STRC: variants seen among roughly 807,000 people sequenced by gnomAD.
STRC encodes the protein stereocilin.
Under a neutral mutation model 103.5 loss-of-function variants are expected in STRC, and 43 were observed. The ratio of observed to expected loss-of-function variants is 0.42; its 90% CI spans 0.33 to 0.54. STRC has a LOEUF of 0.54. Ranked by LOEUF, STRC falls within the 20% of genes least tolerant of loss-of-function variation. STRC has a pLI of 0.14. For missense variants in STRC, 499 were observed against 1,088.5 expected (o/e 0.46, Z 7.62); for synonymous variants, 186 against 442.3 (o/e 0.42, Z 7.27).
chr15:43,600,906 C>G lies in STRC; in HGVS notation c.4810G>C (p.Glu1604Gln), dbSNP rs193034976. Reference protein sequence around the residue: ...LGYTLCGLRPEELQHISSWEF... With the variant: ...LGYTLCGLRPQELQHISSWEF... The stretch of plus-strand genomic sequence containing the variant: ...CAACTGCTGATGTGCTGGAGCTCCT[C>G]TGGCCGCAGTCCACAGAGAGTATAA... Residue 1604 changes from glutamate (E) to glutamine (Q), a missense_variant, in exon 25 of 29, where the codon GAG (glutamate) becomes CAG (glutamine). Physicochemically the swap from Glu to Gln is conservative, Grantham distance 29. Transcript: ENST00000450892. 254 of 1,612,532 alleles carry G rather than the reference C, an allele frequency of 1.6e-4. 5 individuals are homozygous for G. In the Middle Eastern group the frequency reaches 4.4e-3, roughly 28 times the overall value.
Position 43,604,102 on chromosome 15 carries a change from G to A in STRC, c.4269C>T (p.Ser1423=). ...GCTGTCCAACTCTGCTCTGCTCCCA[G>A]CTCTGCTGCTTTTCTAGAAGCCGCT... The part of the protein sequence containing the change: ...TLERLLEKQQ[S]WEQSRVGQLC... The change falls in exon 22 of 29, where the codon AGC becomes AGT. Residue 1423 remains serine (S), a synonymous_variant. Transcript: ENST00000450892. 2 of 1,612,800 alleles carry A rather than the reference G, an allele frequency of 1.2e-6. No individual in the cohort carries two copies. Among genetic ancestry groups the A allele is most frequent in the South Asian group, 1.1e-5 (1 of 90,912 alleles).
At chr15:43,602,878 C>T (rs773054789) in intron 23 of STRC, among the ~76,000 whole-genome samples, 4 of 151,712 alleles carry the variant, frequency 2.6e-5, no homozygotes, top group Non-Finnish European at 4.4e-5. Context: ...ATCTCCTGAC[C>T]TCGTGATCTG....
chr15:43,603,974 A>G (rs1349037715), intron 22 of STRC, 22 bp downstream of exon 22: 7 of 1,612,632 alleles, frequency 4.3e-6, no homozygotes, highest in Non-Finnish European at 5.9e-6. Context: ...TGCTGGACAT[A>G]TAAGTATTTG....
At chr15:43,603,860 C>T in intron 22 of STRC, 136 bp downstream of exon 22, 1 of 1,486,126 alleles carries the variant, frequency 6.7e-7, no homozygotes. Flanking sequence ...CTACAAGAGG[C>T]TTGAAGATCA....
rs935297184 is a variant in STRC at position 43,608,736 on chromosome 15, A to AC, written c.3558-534_3558-533insG. The stretch of plus-strand genomic sequence containing the variant: ...GCAAGACTGTCTCGAAAAAAAAAAA[A>AC]AAAAAAAGATTCTGAAGCCCATTGT... On this transcript the variant is annotated intron_variant, in intron 16 of 28. Coordinates refer to ENST00000450892, the MANE Select transcript of STRC (RefSeq NM_153700.2). Among the ~76,000 whole-genome samples, 9 of 143,844 alleles carry AC rather than the reference A, an allele frequency of 6.3e-5. 1 individual carries two copies. In the South Asian group the frequency reaches 8.9e-4, roughly 14 times the overall value. 94.4% of individuals were successfully genotyped at this position (143,844 alleles called of 152,430 possible).
At chr15:43,604,289 C>T in intron 21 of STRC, 72 bp downstream of exon 21, 1 of 1,592,286 alleles carries the variant, frequency 6.3e-7, no homozygotes, top group African/African-American at 1.3e-5. Flanking sequence ...CCCTCTTTGG[C>T]CACGGGTCCC....
At chr15:43,600,427 A>G (rs2096788397) in intron 26 of STRC, 107 bp downstream of exon 26, 1 of 1,569,588 alleles carries the variant, frequency 6.4e-7, no homozygotes, top group Admixed American at 1.8e-5. Context: ...CCCTTATTTA[A>G]ACACCCTCAG....
chr15:43,604,419 T>C lies in STRC; in HGVS notation c.4160A>G (p.Glu1387Gly), dbSNP rs915941820. ...KPELWSQDEV[E>G]QAGRLVFTLS... is the part of the protein sequence containing the mutation. Reference sequence around the variant, plus strand: ...AGTGAATACTAGGCGTCCAGCTTGCTCTACTTCATCCTGGCTCCACAACTC... The same window carrying C: ...AGTGAATACTAGGCGTCCAGCTTGCCCTACTTCATCCTGGCTCCACAACTC... Residue 1387 changes from glutamate to glycine, a missense_variant, in exon 21 of 29, where the codon GAG becomes GGG. Transcript: ENST00000450892. 2.5e-6 allele frequency: 4 copies of C among 1,585,486 alleles called. No homozygotes were observed. In the African/African-American group the frequency reaches 5.4e-5, roughly 21 times the overall value.
Position 43,604,065 on chromosome 15 carries a change from G to A in STRC, c.4306C>T (p.Pro1436Ser), listed in dbSNP as rs528109581. 9.3e-6 allele frequency: 15 copies of A among 1,613,190 alleles called. No individual in the cohort carries two copies. The highest frequency in any genetic ancestry group is 1.3e-5 in the African/African-American group (1 of 74,832). ...QSRVGQLCRE[P>S]QLAAKKAALV... is the part of the protein sequence containing the mutation. ...GCTGCTTTCTTGGCAGCAAGCTGTG[G>A]CTCCCTACACAGCTGTCCAACTCTG... The change falls in exon 22 of 29, where the codon CCA (proline) becomes TCA (serine). Residue 1436 changes from proline to serine, a missense_variant. Physicochemically the swap from Pro to Ser is moderately conservative, Grantham distance 74 (BLOSUM62 -1). Transcript: ENST00000450892.
At chr15:43,603,701 G>T in intron 22 of STRC, 1 of 647,092 alleles carries the variant, frequency 1.5e-6, no homozygotes. Context: ...CTCCTTCAAA[G>T]CTTCTAGGGA....
intron 19 of STRC, 79 bp from the exon 20 acceptor site, chr15:43,604,925 C>A: frequency 2.6e-6 from 4 of 1,553,090 alleles, no homozygotes; most frequent in Non-Finnish European, 3.5e-6. Flanking sequence ...ACCAAGCCCC[C>A]TAACCTTCCC....
chr15:43,609,885 A>AT, intron 15 of STRC: 1 of 234,192 alleles, frequency 4.3e-6, no homozygotes, highest in Admixed American at 5.5e-5. Flanking sequence ...TTAGCCAGGC[A>AT]TTGTGGGGAG....
At chr15:43,605,450 C>T (rs774199039) in intron 18 of STRC, 51 bp from the exon 19 acceptor site, 48 of 1,563,894 alleles carry the variant, frequency 3.1e-5, no homozygotes, top group South Asian at 1.3e-4. Flanking sequence ...TGGGCCAAGT[C>T]GAGAAGGGAC....
intron 23 of STRC, chr15:43,602,535 C>A (rs2085678447): frequency 6.6e-6 from 1 of 152,138 alleles, no homozygotes; most frequent in Non-Finnish European, 1.5e-5. Flanking sequence ...GGCACTGGCA[C>A]TGTTCCCATG....
Position 43,600,716 on chromosome 15 carries a change from C to T in STRC, c.4845-34G>A, listed in dbSNP as rs775312704. On this transcript the variant is annotated intron_variant, in intron 25 of 28. Transcript: ENST00000450892. ...CAGTAGGAAGGAAGGAAGAAGAATT[C>T]GGCTTCAGTGAAAGGGGCTGTGGTC... 9.9e-6 allele frequency: 16 copies of T among 1,612,712 alleles called. 1 individual carries two copies. The highest frequency in any genetic ancestry group is 1.7e-4 in the Middle Eastern group (1 of 5,906).
intron 23 of STRC, 22 bp downstream of exon 23, chr15:43,603,220 C>T: frequency 6.2e-7 from 1 of 1,612,240 alleles, no homozygotes; most frequent in Non-Finnish European, 8.5e-7. Context: ...TGGCCAACCC[C>T]AGTTGGCTCT....
chr15:43,601,793 T>C (rs1245303215), intron 23 of STRC: 5 of 508,496 alleles, frequency 9.8e-6, no homozygotes, highest in African/African-American at 7.7e-5. Flanking sequence ...TTCCACACTT[T>C]TATGTGCATC....
intron 23 of STRC, among the ~76,000 whole-genome samples, chr15:43,602,913 G>C (rs191993215): frequency 4.9e-4 from 74 of 151,614 alleles, no homozygotes; most frequent in African/African-American, 1.8e-3. Flanking sequence ...CCAAAGTTCT[G>C]AGATTATAGG....
At chr15:43,600,809 T>C in intron 25 of STRC, 63 bp downstream of exon 25, 1 of 1,613,618 alleles carries the variant, frequency 6.2e-7, no homozygotes, top group South Asian at 1.1e-5. Context: ...TTCATGATCC[T>C]TCTTTCCCCA....
Sources: gnomAD v4.1 joint callset for allele counts (sites outside exome capture counted in the v4.1 genomes callset) on GRCh38, gnomAD v4.1.1 for gene constraint, MANE v1.5 for transcripts, NCBI Gene and HGNC (gene_info 2026-07-23, HGNC 2026-07-21) for gene names.